Variants in BCL2 observed in about 807,000 individuals in gnomAD.
BCL2 encodes the protein BCL2 apoptosis regulator, also known as apoptosis regulator Bcl-2.
A neutral mutation model predicts 14.2 loss-of-function variants in BCL2; 1 was observed. That is an observed-to-expected ratio of 0.07 (90% CI 0.02 to 0.33). The LOEUF (loss-of-function observed/expected upper bound fraction) is 0.33, where lower values mean the gene tolerates loss of function less well. BCL2 is among the 10% of genes least tolerant of loss of function. The probability of loss-of-function intolerance (pLI) is 0.99; values close to 1 mark genes in which losing one functional copy is unlikely to be tolerated. For missense variants in BCL2, 247 were observed against 305.9 expected, an observed-to-expected ratio of 0.81 and a Z score of 1.44; for synonymous variants, 151 against 137.2, an observed-to-expected ratio of 1.10 and a Z score of -0.70.
intron 2 of BCL2, among the ~76,000 whole-genome samples, chr18:63,227,954 C>T (rs185213987): frequency 3.9e-4 from 60 of 152,344 alleles, no homozygotes; most frequent in Non-Finnish European, 6.9e-4. Context: ...GTTTACTTCT[C>T]ACAGTTCTGG....
chr18:63,166,644 G>C (rs977942543), intron 2 of BCL2, among the ~76,000 whole-genome samples: 1 of 152,210 alleles, frequency 6.6e-6, no homozygotes, highest in Non-Finnish European at 1.5e-5. Flanking sequence ...TGTTAAACAG[G>C]AGTGAGCATT....
At chr18:63,141,950 A>C (rs950375138) in intron 2 of BCL2, among the ~76,000 whole-genome samples, 2 of 152,230 alleles carry the variant, frequency 1.3e-5, no homozygotes, top group African/African-American at 2.4e-5. Context: ...TGCAAGAGTT[A>C]ATTCATGAAA....
chr18:63,200,596 A>G (rs551213803), intron 2 of BCL2, among the ~76,000 whole-genome samples: 1 of 152,198 alleles, frequency 6.6e-6, no homozygotes, highest in Non-Finnish European at 1.5e-5. Flanking sequence ...GCAGTGGGCC[A>G]TGGGATGGGA....
chr18:63,152,914 G>A (rs1568217289), intron 2 of BCL2, among the ~76,000 whole-genome samples: 2 of 152,200 alleles, frequency 1.3e-5, no homozygotes, highest in Non-Finnish European at 2.9e-5. Flanking sequence ...CTTCAGCTCA[G>A]ATTTCTGACG....
chr18:63,247,993 A>G (rs1911201574), intron 2 of BCL2, among the ~76,000 whole-genome samples: 2 of 152,226 alleles, frequency 1.3e-5, no homozygotes, highest in Non-Finnish European at 1.5e-5. Context: ...CAATGACCCC[A>G]TAACTTTAAA....
chr18:63,159,644 ACAGGCCTGGGATAT>A (rs1261391525), intron 2 of BCL2, among the ~76,000 whole-genome samples: 1 of 152,152 alleles, frequency 6.6e-6, no homozygotes. Context: ...TTCACTTTTC[ACAGGCCTGGGATAT>A]TAGGTATTGC....
chr18:63,151,086 T>C (rs1305529913), intron 2 of BCL2: 1 of 152,214 alleles, frequency 6.6e-6, no homozygotes, highest in East Asian at 1.9e-4. Flanking sequence ...GTCATCTCTC[T>C]AATTACTGAA....
chr18:63,164,220 G>A (rs1012862968), intron 2 of BCL2, among the ~76,000 whole-genome samples: 2 of 152,152 alleles, frequency 1.3e-5, no homozygotes, highest in African/African-American at 2.4e-5. Flanking sequence ...TAAGAGATTT[G>A]AACCTCTGGG....
chr18:63,273,950 A>G (rs1020896613), intron 2 of BCL2, among the ~76,000 whole-genome samples: 4 of 152,370 alleles, frequency 2.6e-5, no homozygotes, highest in Admixed American at 6.5e-5. Flanking sequence ...CAAAGGAATA[A>G]AAACACATAT....
intron 2 of BCL2, among the ~76,000 whole-genome samples, chr18:63,183,157 A>G (rs1248844987): frequency 6.6e-6 from 1 of 152,194 alleles, no homozygotes; most frequent in Non-Finnish European, 1.5e-5. Flanking sequence ...CACCCGAAGT[A>G]AGATCAGCTG....
At chr18:63,315,377 T>C (rs1913462831) in intron 2 of BCL2, 1 of 152,246 alleles carries the variant, frequency 6.6e-6, no homozygotes, top group Non-Finnish European at 1.5e-5. Context: ...TTTATTTAAT[T>C]TGTAGTCTTC....
chr18:63,235,059 C>A (rs1053419105), intron 2 of BCL2, among the ~76,000 whole-genome samples: 2 of 152,130 alleles, frequency 1.3e-5, no homozygotes, highest in Non-Finnish European at 2.9e-5. Context: ...CCTGACTACT[C>A]GGTATGCAAA....
chr18:63,235,817 AT>A (rs1056042502), intron 2 of BCL2, among the ~76,000 whole-genome samples: 4 of 151,664 alleles, frequency 2.6e-5, no homozygotes, highest in African/African-American at 9.7e-5. Context: ...GTGATGCTCA[AT>A]GCTCATTATC....
chr18:63,253,359 A>G (rs994702666), intron 2 of BCL2, among the ~76,000 whole-genome samples: 1 of 152,246 alleles, frequency 6.6e-6, no homozygotes, highest in African/African-American at 2.4e-5. Context: ...CTCTGCTGAC[A>G]TGCTTGGAAA....
chr18:63,262,314 AT>A (rs1911684395), intron 2 of BCL2, among the ~76,000 whole-genome samples: 2 of 152,222 alleles, frequency 1.3e-5, no homozygotes, highest in South Asian at 4.1e-4. Flanking sequence ...CGTAAAGAGT[AT>A]TTGTTACCCA....
intron 2 of BCL2, among the ~76,000 whole-genome samples, chr18:63,130,817 TC>T: frequency 6.6e-6 from 1 of 152,312 alleles, no homozygotes; most frequent in Non-Finnish European, 1.5e-5. Flanking sequence ...AGAAGTGACC[TC>T]AGTTAACCAG....
intron 2 of BCL2, among the ~76,000 whole-genome samples, chr18:63,243,156 T>C (rs1197163830): frequency 6.6e-6 from 1 of 152,198 alleles, no homozygotes; most frequent in Non-Finnish European, 1.5e-5. Context: ...ATATACACCA[T>C]GGAATGAATA....
chr18:63,198,918 C>A (rs1300148169), intron 2 of BCL2, among the ~76,000 whole-genome samples: 1 of 120,122 alleles, frequency 8.3e-6, no homozygotes, highest in African/African-American at 3.3e-5. Flanking sequence ...TATACAGACA[C>A]ACACAGACAC....
At chr18:63,281,391 G>A (rs1457013641) in intron 2 of BCL2, among the ~76,000 whole-genome samples, 5 of 152,004 alleles carry the variant, frequency 3.3e-5, no homozygotes, top group African/African-American at 1.2e-4. Flanking sequence ...TAGGCCAAGC[G>A]TGATGGCTCA....
Sources: gnomAD v4.1 joint callset for allele counts (sites outside exome capture counted in the v4.1 genomes callset) on GRCh38, gnomAD v4.1.1 for gene constraint, MANE v1.5 for transcripts, NCBI Gene and HGNC (gene_info 2026-07-23, HGNC 2026-07-21) for gene names.